Variants in TXNDC16 observed in about 807,000 individuals in gnomAD.
TXNDC16 encodes the protein thioredoxin domain-containing protein 16.
TXNDC16 carries 74 observed loss-of-function variants against 85.6 expected under a neutral mutation model. The ratio of observed to expected loss-of-function variants is 0.86; its 90% CI spans 0.72 to 1.05. TXNDC16 has a LOEUF of 1.05. Ranked by LOEUF, TXNDC16 falls within the 50% of genes least tolerant of loss-of-function variation. The probability of loss-of-function intolerance (pLI) is 0.00; values close to 1 mark genes in which losing one functional copy is unlikely to be tolerated. For missense variants in TXNDC16, 959 were observed against 947.0 expected (o/e 1.01, Z -0.17); for synonymous variants, 335 against 326.5 (o/e 1.03, Z -0.28).
intron 14 of TXNDC16, among the ~76,000 whole-genome samples, chr14:52,473,854 G>A (rs1344922100): frequency 6.6e-6 from 1 of 152,024 alleles, no homozygotes; most frequent in Non-Finnish European, 1.5e-5. Flanking sequence ...CACAAAGTCA[G>A]ATCTGTCAGA....
chr14:52,516,803 C>T (rs1198900089), intron 7 of TXNDC16, among the ~76,000 whole-genome samples: 1 of 152,098 alleles, frequency 6.6e-6, no homozygotes, highest in Non-Finnish European at 1.5e-5. Flanking sequence ...ACCACCCTAC[C>T]TTGGAGTCAC....
intron 18 of TXNDC16, among the ~76,000 whole-genome samples, chr14:52,452,266 A>G (rs761131809): frequency 2.0e-4 from 31 of 152,320 alleles, no homozygotes; most frequent in Non-Finnish European, 3.7e-4. Context: ...CAAAATAACT[A>G]CAGATTTAAT....
intron 6 of TXNDC16, among the ~76,000 whole-genome samples, chr14:52,523,979 G>A (rs1006419500): frequency 2.6e-5 from 4 of 152,202 alleles, no homozygotes; most frequent in African/African-American, 9.7e-5. Context: ...TAACAGAGCT[G>A]TGAGGAATTC....
intron 20 of TXNDC16, among the ~76,000 whole-genome samples, chr14:52,433,287 A>C (rs962278696): frequency 6.6e-6 from 1 of 152,182 alleles, no homozygotes; most frequent in Non-Finnish European, 1.5e-5. Flanking sequence ...TTGGTTATTG[A>C]AAGAGGAAAA....
intron 3 of TXNDC16, 143 bp downstream of exon 3, chr14:52,543,255 G>A (rs551882316): frequency 7.7e-5 from 69 of 895,104 alleles, no homozygotes; most frequent in African/African-American, 6.4e-4. Context: ...GGCACGGGCC[G>A]GATTCAAACC....
intron 9 of TXNDC16, among the ~76,000 whole-genome samples, chr14:52,499,753 A>T (rs1423494722): frequency 2.0e-5 from 3 of 152,110 alleles, no homozygotes; most frequent in Non-Finnish European, 4.4e-5. Context: ...ATCCATAAGG[A>T]ATCAGTTTCT....
intron 17 of TXNDC16, among the ~76,000 whole-genome samples, chr14:52,455,791 C>A (rs1179182952): frequency 6.6e-6 from 1 of 152,134 alleles, no homozygotes; most frequent in Non-Finnish European, 1.5e-5. Context: ...ACTTGCTCAC[C>A]ACAATGCTGA....
intron 8 of TXNDC16, among the ~76,000 whole-genome samples, chr14:52,513,566 T>A (rs1334184449): frequency 6.6e-6 from 1 of 151,986 alleles, no homozygotes; most frequent in African/African-American, 2.4e-5. Flanking sequence ...CATTTTTAAA[T>A]TCCCATTTAA....
intron 6 of TXNDC16, among the ~76,000 whole-genome samples, chr14:52,530,150 T>C (rs1247057114): frequency 1.4e-5 from 1 of 74,046 alleles, no homozygotes; most frequent in African/African-American, 6.3e-5. Context: ...ATATATTTTA[T>C]ATATAATTTA....
In TXNDC16 at chr14:52,514,877, T is replaced by A. The variant is rs765089556; in HGVS notation, c.605+3A>T. The stretch of plus-strand genomic sequence containing the variant: ...ATTGTTGACATATGCTTTTTATACA[T>A]ACCCAATACTTTCCAAAAGGGCAAT... On this transcript the variant is annotated splice_donor_region_variant and intron_variant, in intron 8 of 20. Coordinates refer to ENST00000281741, the MANE Select transcript of TXNDC16 (RefSeq NM_020784.3). 6.2e-7 allele frequency: 1 copy of A among 1,600,216 alleles called. No individual in the cohort carries two copies. Among genetic ancestry groups the A allele is most frequent in the South Asian group, 1.1e-5 (1 of 88,698 alleles).
At chr14:52,465,237 T>A (rs1459517595) in intron 16 of TXNDC16, among the ~76,000 whole-genome samples, 1 of 151,946 alleles carries the variant, frequency 6.6e-6, no homozygotes. Flanking sequence ...GAAATCCAAC[T>A]CAAGAAAAGA....
chr14:52,469,104 C>T (rs1218568560), intron 16 of TXNDC16, among the ~76,000 whole-genome samples: 9 of 151,744 alleles, frequency 5.9e-5, no homozygotes, highest in East Asian at 3.9e-4. Flanking sequence ...CCCAACACTT[C>T]GGCAGGCCAA....
At chr14:52,480,975 G>GTATATATATATATATATATATA (rs141877325) in intron 14 of TXNDC16, among the ~76,000 whole-genome samples, 3 of 135,002 alleles carry the variant, frequency 2.2e-5, no homozygotes, top group African/African-American at 8.4e-5. Context: ...ATATATATAT[G>GTATATATATATATATATATATA]TATATATATA....
At chr14:52,505,303 T>C (rs527755251) in intron 9 of TXNDC16, among the ~76,000 whole-genome samples, 16 of 152,234 alleles carry the variant, frequency 1.1e-4, no homozygotes, top group African/African-American at 2.6e-4. Context: ...TATTCCAAAA[T>C]TGACCACATA....
chr14:52,469,884 A>C (rs45497892), intron 16 of TXNDC16, among the ~76,000 whole-genome samples, 153 bp downstream of exon 16: 3 of 152,212 alleles, frequency 2.0e-5, no homozygotes, highest in African/African-American at 7.2e-5. Flanking sequence ...ATTTAACACT[A>C]TCTCTGAATA....
At chr14:52,527,996 C>CA (rs1427156707) in intron 6 of TXNDC16, among the ~76,000 whole-genome samples, 1 of 151,706 alleles carries the variant, frequency 6.6e-6, no homozygotes, top group Non-Finnish European at 1.5e-5. Flanking sequence ...AATATCCTAC[C>CA]AAAAAAGGTA....
intron 18 of TXNDC16, among the ~76,000 whole-genome samples, chr14:52,448,672 T>C (rs1360115511): frequency 6.6e-6 from 1 of 152,128 alleles, no homozygotes; most frequent in Non-Finnish European, 1.5e-5. Context: ...TGTAACCTAC[T>C]CTTAAGTAGA....
chr14:52,465,630 C>A (rs542499501), intron 16 of TXNDC16, among the ~76,000 whole-genome samples: 3 of 150,854 alleles, frequency 2.0e-5, no homozygotes, highest in Non-Finnish European at 4.4e-5. Context: ...TTGTTACCGA[C>A]TCAAGAGGCC....
At chr14:52,536,545 T>TA (rs1194042618) in intron 6 of TXNDC16, among the ~76,000 whole-genome samples, 174 bp downstream of exon 6, 1 of 152,200 alleles carries the variant, frequency 6.6e-6, no homozygotes, top group East Asian at 1.9e-4. Flanking sequence ...CCTTTGCCAT[T>TA]AAAAAATTTT....
Sources: allele counts gnomAD v4.1 joint callset (sites outside exome capture counted in the v4.1 genomes callset), GRCh38; gene constraint gnomAD v4.1.1; transcripts MANE v1.5; gene names NCBI Gene and HGNC (gene_info 2026-07-23, HGNC 2026-07-21).